SLAMF7: variants seen among roughly 807,000 people sequenced by gnomAD.
The protein encoded by SLAMF7 is 19A24 protein.
A neutral mutation model predicts 34.1 loss-of-function variants in SLAMF7; 26 were observed. The observed-to-expected ratio is 0.76, with a 90% CI of 0.56 to 1.06. The LOEUF (loss-of-function observed/expected upper bound fraction) is 1.06. Among genes scored for constraint, SLAMF7 ranks in the 50% least tolerant of loss-of-function variants. SLAMF7 has a pLI of 0.00. For missense variants in SLAMF7, 399 were observed against 402.5 expected, an observed-to-expected ratio of 0.99 and a Z score of 0.07; for synonymous variants, 171 against 156.4, an observed-to-expected ratio of 1.09 and a Z score of -0.70.
At position 160,754,379 on chromosome 1, in the gene SLAMF7, G is replaced by C. The variant is rs532980028; in HGVS notation, c.*1202G>C. On this transcript the variant is annotated 3_prime_UTR_variant, in exon 7 of 7. Transcript: ENST00000368043. ...AGGCATGAGAATCGCTTGAACCTGG[G>C]AGGTGGAGGTTGCAGTGAGCTGAGA... 1 of 152,720 alleles carries C rather than the reference G, an allele frequency of 6.5e-6. No individual in the cohort carries two copies. Among genetic ancestry groups the C allele is most frequent in the Non-Finnish European group, 1.5e-5 (1 of 68,392 alleles). 9.5% of individuals were successfully genotyped at this position (152,720 alleles called of 1,614,324 possible).
At position 160,749,984 on chromosome 1, in the gene SLAMF7, C is replaced by G; in HGVS notation, c.540C>G (p.Leu180=). ...ATGAGTCCCATAATGGGTCCATCCT[C>G]CCCATCTCCTGGAGATGGGGAGAAA... is the stretch of plus-strand genomic sequence containing the variant. ...AANESHNGSI[L]PISWRWGESD... The change falls in exon 3 of 7, where the codon CTC becomes CTG. Residue 180 remains leucine, a synonymous_variant. Coordinates refer to ENST00000368043, the MANE Select transcript of SLAMF7 (RefSeq NM_021181.5). 6.2e-7 allele frequency: 1 copy of G among 1,614,164 alleles called. No individual in the cohort carries two copies. The highest frequency in any genetic ancestry group is 8.5e-7 in the Non-Finnish European group (1 of 1,179,984).
At chr1:160,744,857 A>G (rs1664012215) in intron 1 of SLAMF7, among the ~76,000 whole-genome samples, 1 of 152,218 alleles carries the variant, frequency 6.6e-6, no homozygotes, top group Admixed American at 6.5e-5. Flanking sequence ...TCAAAATTTC[A>G]GAATAAAATT....
intron 2 of SLAMF7, among the ~76,000 whole-genome samples, chr1:160,748,781 C>G (rs914421333): frequency 2.4e-4 from 37 of 152,310 alleles, no homozygotes; most frequent in African/African-American, 8.4e-4. Context: ...TTTATTTAGT[C>G]ACATGACCTT....
At chr1:160,749,206 T>C (rs1405575600) in intron 2 of SLAMF7, among the ~76,000 whole-genome samples, 1 of 152,194 alleles carries the variant, frequency 6.6e-6, no homozygotes, top group Non-Finnish European at 1.5e-5. Flanking sequence ...GAACAGAAGA[T>C]ATGTATTCTG....
intron 1 of SLAMF7, among the ~76,000 whole-genome samples, chr1:160,742,459 A>C (rs1486790720): frequency 6.6e-6 from 1 of 152,186 alleles, no homozygotes; most frequent in African/African-American, 2.4e-5. Context: ...ATTTTTAGCT[A>C]TCTGTGCAGA....
rs780755869 is a variant in SLAMF7 at position 160,748,531 on chromosome 1, C to T, written c.376+17C>T. The T allele has an allele frequency of 6.3e-7, 1 of 1,595,998 alleles. No homozygotes were observed. The stretch of plus-strand genomic sequence containing the variant: ...ATGTCTACGGTGAGCAAAATCAGTT[C>T]CAATGGTGGATGGCTGCCTTGGTGA... On this transcript the variant is annotated intron_variant, in intron 2 of 6. Transcript: ENST00000368043.
chr1:160,745,823 T>G (rs1397274641), intron 1 of SLAMF7, among the ~76,000 whole-genome samples: 1 of 152,234 alleles, frequency 6.6e-6, no homozygotes, highest in Non-Finnish European at 1.5e-5. Flanking sequence ...AGGATTGCTT[T>G]GAGTGTTAGG....
chr1:160,741,563 CTTTTTTT>C (rs994261844), intron 1 of SLAMF7, among the ~76,000 whole-genome samples: 1 of 151,010 alleles, frequency 6.6e-6, no homozygotes, highest in African/African-American at 2.4e-5. Context: ...TTTTTTTTGC[CTTTTTTT>C]TTAAATCCAT....
intron 1 of SLAMF7, among the ~76,000 whole-genome samples, chr1:160,744,839 T>C (rs1221906058): frequency 6.6e-6 from 1 of 152,196 alleles, no homozygotes; most frequent in Non-Finnish European, 1.5e-5. Flanking sequence ...AACAAATGCA[T>C]TAACTGATCA....
Position 160,753,158 on chromosome 1 carries a change from C to T in SLAMF7, c.989C>T (p.Ala330Val), listed in dbSNP as rs776902320. 1.9e-6 allele frequency: 3 copies of T among 1,613,178 alleles called. No individual in the cohort carries two copies. The South Asian group carries it at 3.3e-5, about 18-fold the overall frequency. ...ATGCCAGACACACCAAGGCTATTTG[C>T]CTATGAGAATGTTATCTAGACAGCA... ...LTMPDTPRLF[A>V]YENVI The change falls in exon 7 of 7, where the codon GCC becomes GTC. Residue 330 changes from alanine (A) to valine (V), a missense_variant. Physicochemically the swap from Ala to Val is moderately conservative, Grantham distance 64. Transcript: ENST00000368043.
chr1:160,750,019 C>A lies in SLAMF7; in HGVS notation c.575C>A (p.Thr192Asn). Residue 192 changes from threonine to asparagine, a missense_variant, in exon 3 of 7, where the codon ACC becomes AAC. Physicochemically the swap from Thr to Asn is moderately conservative, Grantham distance 65 (BLOSUM62 0). Transcript: ENST00000368043. The stretch of plus-strand genomic sequence containing the variant: ...TGGAGATGGGGAGAAAGTGATATGA[C>A]CTTCATCTGCGTTGCCAGGAACCCT... The part of the protein sequence containing the change: ...ISWRWGESDM[T>N]FICVARNPVS... 2 of 1,614,116 alleles carry A rather than the reference C, an allele frequency of 1.2e-6. No individual in the cohort carries two copies. Among genetic ancestry groups the A allele is most frequent in the Non-Finnish European group, 1.7e-6 (2 of 1,179,982 alleles).
intron 2 of SLAMF7, among the ~76,000 whole-genome samples, chr1:160,749,449 A>G (rs376202246): frequency 5.6e-5 from 5 of 89,094 alleles, no homozygotes; most frequent in African/African-American, 1.8e-4. Context: ...GTGAACTCTC[A>G]TAGAGAGTAA....
chr1:160,739,662 T>G, intron 1 of SLAMF7: 1 of 288,876 alleles, frequency 3.5e-6, no homozygotes, highest in Non-Finnish European at 6.5e-6. Flanking sequence ...AGATAAGGAA[T>G]GTTAAAGTTT....
chr1:160,751,456 C>G lies in SLAMF7; in HGVS notation c.873+8C>G. 1 of 1,591,668 alleles carries G rather than the reference C, an allele frequency of 6.3e-7. No individual in the cohort carries two copies. The highest frequency in any genetic ancestry group is 8.6e-7 in the Non-Finnish European group (1 of 1,159,544). ...ACAATCCCTCACACTAATGTGAGTCCCTTCTCATCTTTCCTGAGAACTGAT... is the reference window on the plus strand; with the variant it reads ...ACAATCCCTCACACTAATGTGAGTCGCTTCTCATCTTTCCTGAGAACTGAT... On this transcript the variant is annotated splice_region_variant and intron_variant, in intron 5 of 6. Coordinates refer to ENST00000368043, the MANE Select transcript of SLAMF7 (RefSeq NM_021181.5).
Position 160,748,467 on chromosome 1 carries a change from C to T in SLAMF7, c.329C>T (p.Ser110Leu), listed in dbSNP as rs752758808. Residue 110 changes from serine to leucine, a missense_variant, in exon 2 of 7, where the codon TCA becomes TTA. Transcript: ENST00000368043. The part of the protein sequence containing the change: ...SGIYYVGIYS[S>L]SLQQPSTQEY... ...ATCTACTATGTGGGGATATACAGCT[C>T]ATCACTCCAGCAGCCCTCCACCCAG... 1.2e-6 allele frequency: 2 copies of T among 1,614,062 alleles called. No homozygotes were observed. The highest frequency in any genetic ancestry group is 4.5e-5 in the East Asian group (2 of 44,890).
intron 6 of SLAMF7, 75 bp from the exon 7 acceptor site, chr1:160,753,031 G>A (rs1203192506): frequency 7.2e-7 from 1 of 1,380,400 alleles, no homozygotes; most frequent in African/African-American, 1.4e-5. Context: ...AAGTTTCCTG[G>A]ATGTCAGGGT....
chr1:160,753,203 T>C lies in SLAMF7; in HGVS notation c.*26T>C, dbSNP rs774720956. Reference sequence around the variant, plus strand: ...ACAGCAGTGCACTCCCCTAAGTCTCTGCTCAAAAAAAAAACAATTCTCGGC... The same window carrying C: ...ACAGCAGTGCACTCCCCTAAGTCTCCGCTCAAAAAAAAAACAATTCTCGGC... On this transcript the variant is annotated 3_prime_UTR_variant, in exon 7 of 7. Transcript: ENST00000368043. 86 of 1,574,088 alleles carry C rather than the reference T, an allele frequency of 5.5e-5. No homozygotes were observed. Among genetic ancestry groups the C allele is most frequent in the Non-Finnish European group, 7.2e-5 (83 of 1,152,546 alleles).
intron 1 of SLAMF7, among the ~76,000 whole-genome samples, chr1:160,740,005 C>T (rs1663601692): frequency 6.6e-6 from 1 of 152,024 alleles, no homozygotes; most frequent in African/African-American, 2.4e-5. Flanking sequence ...ATCAGGAGCC[C>T]TATAAGTGAG....
intron 1 of SLAMF7, among the ~76,000 whole-genome samples, chr1:160,743,747 G>A (rs1423068459): frequency 1.3e-5 from 2 of 152,200 alleles, no homozygotes; most frequent in Non-Finnish European, 2.9e-5. Flanking sequence ...GGAGTGCAGT[G>A]GCACGATCAC....
Sources: gnomAD v4.1 joint callset for allele counts (sites outside exome capture counted in the v4.1 genomes callset) on GRCh38, gnomAD v4.1.1 for gene constraint, MANE v1.5 for transcripts, NCBI Gene and HGNC (gene_info 2026-07-23, HGNC 2026-07-21) for gene names.